The following PLXNA4 variants were observed in gnomAD, a reference collection of about 807,000 sequenced individuals.
The protein encoded by PLXNA4 is plexin-A4.
Under a neutral mutation model 191.8 loss-of-function variants are expected in PLXNA4, and 44 were observed. That is an observed-to-expected ratio of 0.23 (90% confidence interval 0.18 to 0.29). PLXNA4 has a LOEUF of 0.29. Ranked by LOEUF, PLXNA4 falls within the 10% of genes least tolerant of loss-of-function variation. The pLI, the probability that PLXNA4 is intolerant of heterozygous loss-of-function variation, is 1.00. For missense variants in PLXNA4, 1,800 were observed against 2,488.8 expected, an observed-to-expected ratio of 0.72 and a Z score of 5.89; for synonymous variants, 1,082 against 1,009.5, an observed-to-expected ratio of 1.07 and a Z score of -1.36.
chr7:132,642,422 A>G (rs1363387738), intron 2 of PLXNA4, among the ~76,000 whole-genome samples: 1 of 152,050 alleles, frequency 6.6e-6, no homozygotes, highest in Non-Finnish European at 1.5e-5. Context: ...GCTGGGATGA[A>G]CAGGGTTGCC....
intron 3 of PLXNA4, among the ~76,000 whole-genome samples, chr7:132,460,441 G>A (rs1008386073): frequency 6.6e-6 from 1 of 151,900 alleles, no homozygotes. Flanking sequence ...GAAAAAATTA[G>A]CTCTGTGCCC....
intron 3 of PLXNA4, among the ~76,000 whole-genome samples, chr7:132,483,263 G>A (rs1389987259): frequency 2.0e-5 from 3 of 152,114 alleles, no homozygotes; most frequent in South Asian, 2.1e-4. Flanking sequence ...CTCTACCCTC[G>A]CTAGGAGTCT....
chr7:132,542,905 A>G (rs1800144398), intron 1 of PLXNA4, among the ~76,000 whole-genome samples: 1 of 151,934 alleles, frequency 6.6e-6, no homozygotes, highest in African/African-American at 2.4e-5. Flanking sequence ...ATCTTGTCTT[A>G]TTTCTACTTG....
intron 1 of PLXNA4, among the ~76,000 whole-genome samples, chr7:132,569,351 A>G (rs890406): frequency 0.52 from 78,542 of 152,074 alleles, 20,921 homozygotes; most frequent in South Asian, 0.67. Context: ...CAATAAAGTC[A>G]TAACACATAG....
At position 132,507,673 on chromosome 7, in the gene PLXNA4, T is replaced by C. The variant is rs778380178; in HGVS notation, c.1021A>G (p.Lys341Glu). The change falls in exon 2 of 32, where the codon AAG becomes GAG. Residue 341 changes from lysine to glutamate, a missense_variant. Physicochemically the swap from Lys to Glu is moderately conservative, Grantham distance 56 (BLOSUM62 1). Coordinates refer to ENST00000321063, the MANE Select transcript of PLXNA4 (RefSeq NM_020911.2). Reference protein sequence around the residue: ...DDDLLFTVFSKGQKRKMKSLD... With the variant: ...DDDLLFTVFSEGQKRKMKSLD... ...GATTTCATTTTCCGCTTCTGGCCCT[T>C]GGAGAAGACGGTGAAGAGCAGGTCA... 4 of 1,614,198 alleles carry C rather than the reference T, an allele frequency of 2.5e-6. No homozygotes were observed. In the East Asian group the frequency reaches 6.7e-5, roughly 27 times the overall value.
At chr7:132,156,255 C>T (rs1224788006) in intron 25 of PLXNA4, among the ~76,000 whole-genome samples, 1 of 151,988 alleles carries the variant, frequency 6.6e-6, no homozygotes, top group Non-Finnish European at 1.5e-5. Context: ...CCCATCTTGG[C>T]TCCTTAATGC....
At chr7:132,197,375 G>A (rs540868774) in intron 13 of PLXNA4, among the ~76,000 whole-genome samples, 2 of 151,764 alleles carry the variant, frequency 1.3e-5, no homozygotes, top group African/African-American at 4.8e-5. Context: ...TCTTTTTCTG[G>A]GTCCTCTATC....
chr7:132,485,045 AGGCTTG>A (rs1585205112), intron 3 of PLXNA4: 9 of 1,605,014 alleles, frequency 5.6e-6, no homozygotes, highest in African/African-American at 5.4e-5. Context: ...ATTTTAAAAC[AGGCTTG>A]AGAAAAAAAA....
At chr7:132,151,974 T>C (rs1441770551) in intron 25 of PLXNA4, among the ~76,000 whole-genome samples, 1 of 152,208 alleles carries the variant, frequency 6.6e-6, no homozygotes, top group Non-Finnish European at 1.5e-5. Context: ...TTCACTTCCA[T>C]ACTTACCTGC....
rs78417993 is a variant in PLXNA4 at position 132,143,854 on chromosome 7, A to G, written c.5225+1265T>C. Among the ~76,000 whole-genome samples, 491 of 152,360 alleles carry G rather than the reference A, an allele frequency of 3.2e-3. 6 individuals carry two copies. Among genetic ancestry groups the G allele is most frequent in the African/African-American group, 0.011 (470 of 41,590 alleles). On this transcript the variant is annotated intron_variant, in intron 29 of 31. Transcript: ENST00000321063. ...AACCCCAGAACGAAGGTCTTCTCTC[A>G]CTAGGAGTTAATATGGGAGCAAACC...
intron 3 of PLXNA4, among the ~76,000 whole-genome samples, chr7:132,413,019 T>TG (rs3214626): frequency 0.28 from 43,213 of 151,706 alleles, 12,407 homozygotes; most frequent in African/African-American, 0.73. Flanking sequence ...ACTTGATAGA[T>TG]GGGGGGTGGA....
At chr7:132,263,462 C>T (rs73157232) in intron 4 of PLXNA4, among the ~76,000 whole-genome samples, 12,609 of 152,260 alleles carry the variant, frequency 0.083, 682 homozygotes, top group African/African-American at 0.15. Flanking sequence ...TGAGTGCCTC[C>T]GAGCCTCAGC....
rs1802237662 is a variant in PLXNA4, at chr7:132,576,382, C to A, written c.-87+40G>T. ...GTCTGTCCGACCTTGCTGCCCTCGC[C>A]GCCCGCCCGGCCCCACTCCCCGGCG... is the stretch of plus-strand genomic sequence containing the variant. On this transcript the variant is annotated intron_variant, in intron 1 of 31. Transcript: ENST00000321063. This position sits in a 1 kb window ranked among gnomAD's most constrained non-coding sequence, Gnocchi z 5.8. 2.0e-6 allele frequency: 2 copies of A among 985,766 alleles called. No individual in the cohort carries two copies. Among genetic ancestry groups the A allele is most frequent in the East Asian group, 2.3e-4 (2 of 8,760 alleles). 61.1% of individuals were successfully genotyped at this position (985,766 alleles called of 1,614,324 possible).
In PLXNA4 at chr7:132,641,263, A is replaced by T. The variant is rs145509830; in HGVS notation, c.-87+4665T>A. ...CCACAGCCTGGGTGGCTTAAACAAC[A>T]GAGCTTTATTTTGTCACAATTCTGG... On this transcript the variant is annotated intron_variant, in intron 2 of 4. Transcript: ENST00000378539. Among the ~76,000 whole-genome samples, 177 of 152,350 alleles carry T rather than the reference A, an allele frequency of 1.2e-3. 1 individual carries two copies. The highest frequency in any genetic ancestry group is 3.8e-3 in the African/African-American group (157 of 41,584).
intron 4 of PLXNA4, among the ~76,000 whole-genome samples, chr7:132,250,658 C>T (rs766540159): frequency 3.3e-5 from 5 of 152,144 alleles, no homozygotes; most frequent in African/African-American, 4.8e-5. Flanking sequence ...ACAGAGGAGA[C>T]TGCAGCCAGA....
chr7:132,140,550 G>A (rs780540015), intron 30 of PLXNA4, 49 bp downstream of exon 30: 338 of 1,599,982 alleles, frequency 2.1e-4, no homozygotes, highest in Non-Finnish European at 2.8e-4. Context: ...TGAGGGAGCT[G>A]CTGGCTCCAG....
At chr7:132,203,049 T>C (rs1048215362) in intron 11 of PLXNA4, among the ~76,000 whole-genome samples, 1 of 152,142 alleles carries the variant, frequency 6.6e-6, no homozygotes, top group African/African-American at 2.4e-5. Context: ...GGTTCTCCGT[T>C]CACTCAGCAC....
At position 132,576,158 on chromosome 7, in the gene PLXNA4, A is replaced by T. The variant is rs905166338; in HGVS notation, c.-87+264T>A. On this transcript the variant is annotated intron_variant, in intron 1 of 31. Coordinates refer to ENST00000321063, the MANE Select transcript of PLXNA4 (RefSeq NM_020911.2). The surrounding 1 kb of genome is among the most constrained non-coding windows in gnomAD (Gnocchi z 5.8). ...GAAAGTCCCGGGAAAGAGAAGTCTG[A>T]GTCCAGGAGCGTGAGAGGAGAACAC... 6.6e-6 allele frequency among the ~76,000 whole-genome samples: 1 copy of T among 152,252 alleles called. No homozygotes were observed. The highest frequency in any genetic ancestry group is 2.4e-5 in the African/African-American group (1 of 41,472).
intron 13 of PLXNA4, 121 bp downstream of exon 13, chr7:132,198,364 G>A: frequency 2.9e-6 from 4 of 1,387,428 alleles, no homozygotes; most frequent in Non-Finnish European, 3.8e-6. Flanking sequence ...AAATATTGGG[G>A]TGGTTCTCCT....
Sources: gnomAD v4.1 joint callset for allele counts (sites outside exome capture counted in the v4.1 genomes callset) on GRCh38, gnomAD v4.1.1 for gene constraint, Gnocchi (gnomAD v3.1) non-coding constraint, MANE v1.5 for transcripts, NCBI Gene and HGNC (gene_info 2026-07-23, HGNC 2026-07-21) for gene names.